Variants in STK10 observed in about 807,000 individuals in gnomAD.
The protein encoded by STK10 is serine/threonine kinase 10, also known as serine/threonine-protein kinase 10.
STK10 carries 78 observed loss-of-function variants against 113.8 expected under a neutral mutation model. That is an observed-to-expected ratio of 0.69 (90% CI 0.57 to 0.83). The LOEUF is 0.83. STK10 is among the 40% of genes least tolerant of loss of function. The probability of loss-of-function intolerance (pLI) is 0.00; values close to 1 mark genes in which losing one functional copy is unlikely to be tolerated. For missense variants in STK10, 1,109 were observed against 1,280.1 expected (o/e 0.87, Z 2.04); for synonymous variants, 465 against 494.7 (o/e 0.94, Z 0.80).
chr5:172,049,100 T>TC (rs1445437735), intron 18 of STK10, among the ~76,000 whole-genome samples: 2 of 152,104 alleles, frequency 1.3e-5, no homozygotes, highest in Non-Finnish European at 2.9e-5. Context: ...CCATGCTGTT[T>TC]CCCTCCCTGC....
intron 3 of STK10, among the ~76,000 whole-genome samples, chr5:172,124,478 C>T (rs60490564): frequency 0.015 from 2,289 of 152,250 alleles, 60 homozygotes; most frequent in African/African-American, 0.052. Context: ...TGAGAGAAGG[C>T]ACACCCAAGA....
intron 1 of STK10, among the ~76,000 whole-genome samples, chr5:172,174,081 C>T (rs1326333038): frequency 4.9e-5 from 7 of 142,382 alleles, no homozygotes; most frequent in South Asian, 4.4e-4. Flanking sequence ...AACCACAATG[C>T]GGGGCCTGTC....
At chr5:172,128,317 T>C (rs1199673054) in intron 2 of STK10, among the ~76,000 whole-genome samples, 1 of 149,896 alleles carries the variant, frequency 6.7e-6, no homozygotes, top group African/African-American at 2.4e-5. Flanking sequence ...TTTGCATAGA[T>C]GCTTTTTCTT....
At position 172,045,032 on chromosome 5, in the gene STK10, A is replaced by G. The variant is rs1767468877; in HGVS notation, c.2767-10T>C. The G allele has an allele frequency of 5.0e-6, 8 of 1,613,688 alleles. No homozygotes were observed. The East Asian group carries it at 1.8e-4, about 36-fold the overall frequency. ...GATCCTCTTCCAGAGCCTAGGGAAG[A>G]GAGAGGATGGATGGCACTTGGTGAG... On this transcript the variant is annotated splice_polypyrimidine_tract_variant and intron_variant, in intron 18 of 18. Transcript: ENST00000176763.
chr5:172,169,869 A>G (rs956274214), intron 1 of STK10, among the ~76,000 whole-genome samples: 1 of 152,104 alleles, frequency 6.6e-6, no homozygotes, highest in African/African-American at 2.4e-5. Context: ...TCAAGTCCCA[A>G]CTCTACTACT....
rs1767707707 is a variant in STK10, at chr5:172,054,689, G to A, written c.2532C>T (p.Ser844=). Reference sequence around the variant, plus strand: ...ACTTCTGCCTCTTCTCCTCCTGCTGGGAGAACTGCACCAGAGAGAGGGTGG... The same window carrying A: ...ACTTCTGCCTCTTCTCCTCCTGCTGAGAGAACTGCACCAGAGAGAGGGTGG... ...AEQREKIKQF[S]QQEEKRQKSE... Residue 844 remains serine, a synonymous_variant, in exon 17 of 19, where the codon TCC becomes TCT. Transcript: ENST00000176763. 2 of 1,609,348 alleles carry A rather than the reference G, an allele frequency of 1.2e-6. No individual in the cohort carries two copies. The highest frequency in any genetic ancestry group is 1.7e-6 in the Non-Finnish European group (2 of 1,179,988).
intron 4 of STK10, among the ~76,000 whole-genome samples, chr5:172,110,447 C>G (rs1251196349): frequency 6.6e-6 from 1 of 152,190 alleles, no homozygotes; most frequent in African/African-American, 2.4e-5. Context: ...CCTGGCAAAA[C>G]CCCCGGAATG....
intron 7 of STK10, among the ~76,000 whole-genome samples, chr5:172,101,599 G>A (rs57940867): frequency 0.21 from 31,643 of 152,118 alleles, 3,327 homozygotes; most frequent in Non-Finnish European, 0.23. Flanking sequence ...CTGACATGCC[G>A]GGCAGGGAGC....
At chr5:172,106,124 GCA>G (rs1769099862) in intron 6 of STK10, among the ~76,000 whole-genome samples, 1 of 151,900 alleles carries the variant, frequency 6.6e-6, no homozygotes, top group Admixed American at 6.6e-5. Context: ...CATGTCAAGT[GCA>G]CAGAGGCAGC....
intron 12 of STK10, among the ~76,000 whole-genome samples, chr5:172,079,196 C>T (rs1220969220): frequency 6.6e-6 from 1 of 152,222 alleles, no homozygotes; most frequent in Admixed American, 6.5e-5. Context: ...CTGATTCTAC[C>T]TTGTGCCAAT....
chr5:172,099,905 G>A (rs1727199651), intron 7 of STK10, among the ~76,000 whole-genome samples: 1 of 152,176 alleles, frequency 6.6e-6, no homozygotes. Flanking sequence ...CTGCTTTCTT[G>A]AGGCAGAATC....
At chr5:172,054,522 A>G in intron 17 of STK10, 47 bp downstream of exon 17, 1 of 1,590,822 alleles carries the variant, frequency 6.3e-7, no homozygotes, top group East Asian at 2.2e-5. Context: ...GGCCTTGGGG[A>G]AACTGAGGCA....
At chr5:172,090,116 T>C in intron 10 of STK10, 116 bp downstream of exon 10, 1 of 1,462,942 alleles carries the variant, frequency 6.8e-7, no homozygotes. Context: ...TTTTGCCTCC[T>C]TGATTCCCCC....
intron 18 of STK10, among the ~76,000 whole-genome samples, chr5:172,051,340 G>T (rs1253969882): frequency 6.6e-6 from 1 of 152,160 alleles, no homozygotes; most frequent in Non-Finnish European, 1.5e-5. Flanking sequence ...GGAGGCAGAG[G>T]TTGCAGAGAG....
At chr5:172,184,435 C>T (rs1770916329) in intron 1 of STK10, among the ~76,000 whole-genome samples, 2 of 152,112 alleles carry the variant, frequency 1.3e-5, no homozygotes, top group South Asian at 4.1e-4. Flanking sequence ...CTAGTCCCTT[C>T]TCTTCTCTGG....
rs756563246 is a variant in STK10, at chr5:172,187,842, G to C, written c.156+45C>G. 100 of 1,600,408 alleles carry C rather than the reference G, an allele frequency of 6.2e-5. No individual in the cohort carries two copies. In the African/African-American group the frequency reaches 1.1e-3, roughly 18 times the overall value. On this transcript the variant is annotated intron_variant, in intron 1 of 18. Transcript: ENST00000176763. This position sits in a 1 kb window ranked among gnomAD's most constrained non-coding sequence, Gnocchi z 4.6. ...TCCGGCTCAGGCATCCCTTCCTTCC[G>C]GAGCCCCTCGACGCGCGTCCGGCCA... is the stretch of plus-strand genomic sequence containing the variant.
At chr5:172,051,502 G>A (rs1361273198) in intron 18 of STK10, among the ~76,000 whole-genome samples, 1 of 152,146 alleles carries the variant, frequency 6.6e-6, no homozygotes, top group African/African-American at 2.4e-5. Context: ...GCATGTGCCT[G>A]TAATCCCAGC....
At chr5:172,168,616 CCG>C (rs1471014334) in intron 1 of STK10, among the ~76,000 whole-genome samples, 1 of 152,186 alleles carries the variant, frequency 6.6e-6, no homozygotes, top group Non-Finnish European at 1.5e-5. Flanking sequence ...AACGAGCAGC[CCG>C]CCTTTCTCCA....
intron 1 of STK10, among the ~76,000 whole-genome samples, chr5:172,178,028 A>G (rs967112927): frequency 6.6e-6 from 1 of 152,126 alleles, no homozygotes; most frequent in Non-Finnish European, 1.5e-5. Context: ...AAGTTTCACC[A>G]TGTTGGCCAG....
Sources: gnomAD v4.1 joint callset for allele counts (sites outside exome capture counted in the v4.1 genomes callset) on GRCh38, gnomAD v4.1.1 for gene constraint, Gnocchi (gnomAD v3.1) non-coding constraint, MANE v1.5 for transcripts, NCBI Gene and HGNC (gene_info 2026-07-23, HGNC 2026-07-21) for gene names.